DST: variants seen among roughly 807,000 people sequenced by gnomAD.
DST encodes bullous pemphigoid antigen.
Under a neutral mutation model 875.2 loss-of-function variants are expected in DST, and 253 were observed. That is an observed-to-expected ratio of 0.29 (90% CI 0.26 to 0.32). DST has a LOEUF of 0.32. Among genes scored for constraint, DST ranks in the 10% least tolerant of loss-of-function variants. The probability of loss-of-function intolerance (pLI) is 1.00; values close to 1 mark genes in which losing one functional copy is unlikely to be tolerated. For missense variants in DST, 8,287 were observed against 9,111.6 expected, an observed-to-expected ratio of 0.91 and a Z score of 3.68; for synonymous variants, 3,124 against 3,197.1, an observed-to-expected ratio of 0.98 and a Z score of 0.77.
intron 49 of DST, among the ~76,000 whole-genome samples, chr6:56,583,059 G>T (rs1176160260): frequency 2.0e-5 from 3 of 152,004 alleles, no homozygotes; most frequent in African/African-American, 7.3e-5. Context: ...TAAACATATG[G>T]GTGCATGTGT....
intron 4 of DST, among the ~76,000 whole-genome samples, chr6:56,825,130 G>A (rs1191157296): frequency 6.6e-6 from 1 of 150,960 alleles, no homozygotes; most frequent in African/African-American, 2.4e-5. Context: ...AGACATGGGA[G>A]ACTTTTCATT....
rs144409430 is a variant in DST at position 56,933,146 on chromosome 6, A to G, written c.216+20639T>C. Among the ~76,000 whole-genome samples, 391 of 152,200 alleles carry G rather than the reference A, an allele frequency of 2.6e-3. 3 individuals are homozygous for G. The East Asian group carries it at 0.04, about 15-fold the overall frequency. ...TCCTGATGGTCCTGAAAGAAGTCAC[A>G]CCAGAAACCAGAGCTAACAATCTTT... On this transcript the variant is annotated intron_variant, in intron 2 of 103. Coordinates refer to ENST00000680361, the MANE Select transcript of DST (RefSeq NM_001374736.1).
intron 71 of DST, 48 bp from the exon 72 acceptor site, chr6:56,515,716 C>T (rs1377105791): frequency 6.8e-7 from 1 of 1,469,248 alleles, no homozygotes; most frequent in Non-Finnish European, 9.3e-7. Flanking sequence ...CCAACGAGCA[C>T]ACACACTCCA....
chr6:56,522,970 T>A (rs1483470782), intron 69 of DST, among the ~76,000 whole-genome samples: 2 of 152,128 alleles, frequency 1.3e-5, no homozygotes, highest in African/African-American at 4.8e-5. Flanking sequence ...GCAACAAAGA[T>A]ATGCTACTCT....
chr6:56,695,255 A>C (rs1326338824), intron 9 of DST, among the ~76,000 whole-genome samples: 1 of 152,070 alleles, frequency 6.6e-6, no homozygotes, highest in Non-Finnish European at 1.5e-5. Context: ...CCATGACTGA[A>C]AAATTTTCTG....
intron 50 of DST, among the ~76,000 whole-genome samples, chr6:56,578,165 G>A (rs1217200560): frequency 6.6e-6 from 1 of 152,100 alleles, no homozygotes; most frequent in African/African-American, 2.4e-5. Context: ...AAGCCCAAGA[G>A]TTTGAGACTA....
At chr6:56,501,041 G>T (rs754879386) in intron 80 of DST, 39 bp downstream of exon 80, 2 of 1,592,968 alleles carry the variant, frequency 1.3e-6, no homozygotes, top group Admixed American at 3.5e-5. Context: ...ACTAGAAATG[G>T]ACAGAGAAGA....
intron 36 of DST, chr6:56,620,163 T>C (rs2098675117): frequency 6.8e-6 from 11 of 1,613,554 alleles, no homozygotes; most frequent in South Asian, 2.2e-5. Context: ...ATCTGCTTTA[T>C]CAGCTTCAAG....
chr6:56,905,713 A>G (rs1423754089), intron 2 of DST, among the ~76,000 whole-genome samples: 4 of 151,742 alleles, frequency 2.6e-5, no homozygotes, highest in Non-Finnish European at 2.9e-5. Context: ...CAATGGCACA[A>G]TCTCGGCTCA....
chr6:56,593,485 C>A (rs1369106049), intron 48 of DST, among the ~76,000 whole-genome samples, 178 bp downstream of exon 48: 1 of 133,802 alleles, frequency 7.5e-6, no homozygotes. Flanking sequence ...CCACTGCACT[C>A]CAGCCTGGGC....
rs925298375 is a variant in DST at position 56,473,669 on chromosome 6, G to A, written c.21994+204C>T. ...ATACACTTCAAGACAATAAAGTTAC[G>A]TATAGAAACCTGGGTATATTTTTTC... On this transcript the variant is annotated intron_variant, in intron 93 of 103. Transcript: ENST00000680361. 7.9e-5 allele frequency among the ~76,000 whole-genome samples: 12 copies of A among 152,072 alleles called. No homozygotes were observed. The East Asian group carries it at 9.6e-4, about 12-fold the overall frequency.
intron 4 of DST, among the ~76,000 whole-genome samples, chr6:56,771,491 AT>A (rs1164289617): frequency 1.3e-5 from 2 of 152,152 alleles, no homozygotes; most frequent in African/African-American, 2.4e-5. Flanking sequence ...CTGTAATTTT[AT>A]TTTTTTCTAA....
chr6:56,706,248 A>T (rs1323174558), intron 5 of DST, among the ~76,000 whole-genome samples: 1 of 151,534 alleles, frequency 6.6e-6, no homozygotes, highest in East Asian at 1.9e-4. Flanking sequence ...CAGGAGGCGG[A>T]GGTTGCAGTG....
intron 2 of DST, among the ~76,000 whole-genome samples, chr6:56,927,419 A>T (rs1002187883): frequency 1.3e-5 from 2 of 152,242 alleles, no homozygotes; most frequent in East Asian, 3.8e-4. Flanking sequence ...CAAATATAAC[A>T]TTGAAATAAA....
At chr6:56,835,100 A>G (rs2099792017) in intron 4 of DST, among the ~76,000 whole-genome samples, 1 of 152,244 alleles carries the variant, frequency 6.6e-6, no homozygotes, top group Admixed American at 6.5e-5. Context: ...AAAAGTCTAT[A>G]TACTGCAGGA....
intron 3 of DST, among the ~76,000 whole-genome samples, chr6:56,895,057 G>C (rs1204881502): frequency 1.8e-5 from 2 of 109,708 alleles, no homozygotes; most frequent in South Asian, 2.4e-4. Context: ...CTCCTGGACG[G>C]GGCGACTGGC....
intron 4 of DST, among the ~76,000 whole-genome samples, chr6:56,746,495 A>T (rs890715427): frequency 6.6e-6 from 1 of 152,236 alleles, no homozygotes; most frequent in Non-Finnish European, 1.5e-5. Flanking sequence ...CCTTTCACCT[A>T]TCCTATAAAA....
chr6:56,893,355 A>G (rs1182215303), intron 3 of DST, among the ~76,000 whole-genome samples: 1 of 152,170 alleles, frequency 6.6e-6, no homozygotes, highest in Non-Finnish European at 1.5e-5. Flanking sequence ...ATGGCTGAGT[A>G]GTATTCCATC....
intron 2 of DST, among the ~76,000 whole-genome samples, chr6:56,908,826 C>T (rs1406740638): frequency 2.6e-5 from 4 of 152,184 alleles, no homozygotes; most frequent in African/African-American, 9.7e-5. Flanking sequence ...TGCTACACTC[C>T]GCCCACCGCC....
Sources: allele counts gnomAD v4.1 joint callset (sites outside exome capture counted in the v4.1 genomes callset), GRCh38; gene constraint gnomAD v4.1.1; transcripts MANE v1.5; gene names NCBI Gene and HGNC (gene_info 2026-07-23, HGNC 2026-07-21).